Variants in EPHA6 observed in about 807,000 individuals in gnomAD.
EPHA6 encodes the protein EPH receptor A6, also known as ephrin type-A receptor 6.
Under a neutral mutation model 112.0 loss-of-function variants are expected in EPHA6, and 50 were observed. The ratio of observed to expected loss-of-function variants is 0.45; its 90% CI spans 0.36 to 0.56. The LOEUF is 0.56. Ranked by LOEUF, EPHA6 falls within the 20% of genes least tolerant of loss-of-function variation. The pLI, the probability that EPHA6 is intolerant of heterozygous loss-of-function variation, is 0.00. For missense variants in EPHA6, 1,280 were observed against 1,417.4 expected, an observed-to-expected ratio of 0.90 and a Z score of 1.56; for synonymous variants, 529 against 490.7, an observed-to-expected ratio of 1.08 and a Z score of -1.03.
At chr3:96,944,183 C>T (rs1167314004) in intron 2 of EPHA6, among the ~76,000 whole-genome samples, 1 of 152,156 alleles carries the variant, frequency 6.6e-6, no homozygotes, top group East Asian at 1.9e-4. Flanking sequence ...CAAAACAACT[C>T]AACTCCAGAT....
intron 10 of EPHA6, among the ~76,000 whole-genome samples, chr3:97,530,541 T>G (rs1397620230): frequency 6.6e-6 from 1 of 150,554 alleles, no homozygotes; most frequent in Non-Finnish European, 1.5e-5. Flanking sequence ...TACAACTTCT[T>G]TTTTTTTTCA....
chr3:97,226,045 A>G (rs1376518627), intron 3 of EPHA6, among the ~76,000 whole-genome samples: 2 of 152,226 alleles, frequency 1.3e-5, no homozygotes, highest in East Asian at 3.9e-4. Flanking sequence ...TATAATTTTA[A>G]AAATTAGCAG....
intron 11 of EPHA6, among the ~76,000 whole-genome samples, chr3:97,584,812 G>A (rs2093473021): frequency 6.6e-6 from 1 of 152,128 alleles, no homozygotes; most frequent in Non-Finnish European, 1.5e-5. Context: ...AACATTTATT[G>A]CCAACCGCTA....
chr3:97,251,661 A>G (rs920443656), intron 5 of EPHA6, among the ~76,000 whole-genome samples: 11 of 152,366 alleles, frequency 7.2e-5, no homozygotes, highest in African/African-American at 2.6e-4. Flanking sequence ...CGACCTTTTA[A>G]TCAGGCAGAA....
At chr3:96,910,927 C>A (rs2039184448) in intron 2 of EPHA6, among the ~76,000 whole-genome samples, 2 of 152,084 alleles carry the variant, frequency 1.3e-5, no homozygotes, top group African/African-American at 4.8e-5. Context: ...ACTGAAAGAC[C>A]ATTGTTTTTC....
At chr3:96,895,175 G>T (rs537986237) in intron 2 of EPHA6, among the ~76,000 whole-genome samples, 2 of 152,166 alleles carry the variant, frequency 1.3e-5, no homozygotes, top group Non-Finnish European at 2.9e-5. Context: ...ACCTTTCAGT[G>T]GGACAGGATA....
intron 5 of EPHA6, among the ~76,000 whole-genome samples, chr3:97,251,163 G>C (rs1381641886): frequency 2.0e-5 from 3 of 152,050 alleles, no homozygotes; most frequent in African/African-American, 4.8e-5. Context: ...ACGGCACCTG[G>C]CCATTTGTGA....
intron 5 of EPHA6, among the ~76,000 whole-genome samples, chr3:97,259,480 T>C (rs1013793445): frequency 2.8e-4 from 42 of 152,224 alleles, no homozygotes; most frequent in Non-Finnish European, 1.0e-4. Context: ...TGCAATACTT[T>C]CCAAATAGAA....
intron 2 of EPHA6, among the ~76,000 whole-genome samples, chr3:96,889,443 G>A (rs1234166201): frequency 6.6e-6 from 1 of 152,152 alleles, no homozygotes; most frequent in African/African-American, 2.4e-5. Flanking sequence ...CTCACAGTCA[G>A]GGCGGAACGT....
chr3:97,527,112 T>C (rs1175902081), intron 10 of EPHA6, among the ~76,000 whole-genome samples: 1 of 152,148 alleles, frequency 6.6e-6, no homozygotes, highest in Non-Finnish European at 1.5e-5. Flanking sequence ...CGGACAAAAC[T>C]GATGGCAAGA....
At chr3:96,954,734 G>T (rs62263704) in intron 2 of EPHA6, among the ~76,000 whole-genome samples, 1 of 132,898 alleles carries the variant, frequency 7.5e-6, no homozygotes, top group East Asian at 2.5e-4. Context: ...ATACAAGTTT[G>T]TGAAAACAGG....
intron 3 of EPHA6, among the ~76,000 whole-genome samples, chr3:97,132,071 T>C (rs1241378457): frequency 6.6e-6 from 1 of 152,090 alleles, no homozygotes. Flanking sequence ...GTGAATATCA[T>C]TATACTATTC....
intron 3 of EPHA6, among the ~76,000 whole-genome samples, chr3:97,155,959 G>A (rs1350697635): frequency 2.0e-5 from 3 of 152,144 alleles, no homozygotes; most frequent in Non-Finnish European, 4.4e-5. Flanking sequence ...GGGCTCCTGT[G>A]AATAGACTAG....
At chr3:97,493,834 A>T (rs2091911348) in intron 10 of EPHA6, among the ~76,000 whole-genome samples, 3 of 152,172 alleles carry the variant, frequency 2.0e-5, no homozygotes, top group Admixed American at 2.0e-4. Flanking sequence ...GCTAAAGCAA[A>T]CTATCTCGTG....
chr3:97,323,730 T>C (rs1329517532), intron 5 of EPHA6, among the ~76,000 whole-genome samples: 2 of 151,734 alleles, frequency 1.3e-5, no homozygotes, highest in African/African-American at 4.8e-5. Context: ...TTAAGCAGAA[T>C]AAAACTGGAA....
intron 2 of EPHA6, among the ~76,000 whole-genome samples, chr3:96,974,004 ATATT>A (rs1411441393): frequency 6.9e-6 from 1 of 145,528 alleles, no homozygotes; most frequent in Non-Finnish European, 1.5e-5. Context: ...TATACTGTGT[ATATT>A]TAATAAAATA....
chr3:96,887,295 T>C (rs2037686771), intron 2 of EPHA6, among the ~76,000 whole-genome samples: 1 of 152,208 alleles, frequency 6.6e-6, no homozygotes. Context: ...CTTGATGTAG[T>C]GCTCTCCCCC....
At chr3:97,025,943 G>T (rs936595608) in intron 3 of EPHA6, among the ~76,000 whole-genome samples, 1 of 152,062 alleles carries the variant, frequency 6.6e-6, no homozygotes, top group African/African-American at 2.4e-5. Flanking sequence ...GTAAGGTGGG[G>T]GTCCAGTTTC....
chr3:97,084,109 T>TCCATATATATATATATATATATATCC, intron 3 of EPHA6, among the ~76,000 whole-genome samples: 1 of 122,766 alleles, frequency 8.1e-6, no homozygotes, highest in Non-Finnish European at 1.7e-5. Context: ...TGGATATATA[T>TCCATATATATATATATATATATATCC]ATATATATAT....
Sources: allele counts gnomAD v4.1 joint callset (sites outside exome capture counted in the v4.1 genomes callset), GRCh38; gene constraint gnomAD v4.1.1; transcripts MANE v1.5; gene names NCBI Gene and HGNC (gene_info 2026-07-23, HGNC 2026-07-21).